INPP5F: variants seen among roughly 807,000 people sequenced by gnomAD.
The protein encoded by INPP5F is inositol polyphosphate-5-phosphatase F.
Under a neutral mutation model 137.2 loss-of-function variants are expected in INPP5F, and 97 were observed. The observed-to-expected ratio is 0.71, with a 90% CI of 0.60 to 0.84. The LOEUF is 0.84. Ranked by LOEUF, INPP5F falls within the 40% of genes least tolerant of loss-of-function variation. The pLI is 0.00. For synonymous variants in INPP5F, 504 were observed against 476.9 expected (o/e 1.06, Z -0.74); for missense variants, 1,271 against 1,371.9 (o/e 0.93, Z 1.16).
chr10:119,797,189 C>G (rs1162443101), intron 7 of INPP5F, among the ~76,000 whole-genome samples: 1 of 152,212 alleles, frequency 6.6e-6, no homozygotes, highest in Non-Finnish European at 1.5e-5. Flanking sequence ...ACTCCACTGA[C>G]AGCCTGTATC....
chr10:119,819,733 G>A (rs1268118095), intron 15 of INPP5F: 1 of 407,340 alleles, frequency 2.5e-6, no homozygotes, highest in East Asian at 3.7e-5. Context: ...ATATATTATT[G>A]TACGTGCAAA....
At chr10:119,807,909 A>G (rs1850858023) in intron 12 of INPP5F, 23 bp from the exon 13 acceptor site, 5 of 1,594,482 alleles carry the variant, frequency 3.1e-6, no homozygotes, top group Non-Finnish European at 4.3e-6. Context: ...TATACAGTTA[A>G]TCCACCAATG....
At chr10:119,774,549 A>G (rs545589634) in intron 2 of INPP5F, among the ~76,000 whole-genome samples, 8 of 150,448 alleles carry the variant, frequency 5.3e-5, no homozygotes, top group Non-Finnish European at 1.0e-4. Context: ...GCCCAGGCTG[A>G]TCTTGAACCC....
chr10:119,825,414 A>T (rs1851718474), intron 19 of INPP5F, among the ~76,000 whole-genome samples: 1 of 152,168 alleles, frequency 6.6e-6, no homozygotes, highest in South Asian at 2.1e-4. Context: ...TATGCTTAGG[A>T]TATCCCTCTA....
intron 15 of INPP5F, chr10:119,819,772 G>A: frequency 2.8e-6 from 1 of 358,084 alleles, no homozygotes; most frequent in Non-Finnish European, 5.0e-6. Flanking sequence ...TTTAGATTAA[G>A]ACTGTTGGAC....
chr10:119,796,957 G>A, intron 7 of INPP5F, 44 bp downstream of exon 7: 1 of 1,526,656 alleles, frequency 6.6e-7, no homozygotes, highest in Middle Eastern at 1.7e-4. Context: ...ATCCAGGCGA[G>A]AATGGAAAAG....
intron 1 of INPP5F, among the ~76,000 whole-genome samples, chr10:119,735,444 G>GTCAATA (rs1170746196): frequency 3.3e-5 from 5 of 152,124 alleles, no homozygotes; most frequent in Non-Finnish European, 7.3e-5. Context: ...TTTCTGCAAT[G>GTCAATA]TCAATATGTA....
intron 3 of INPP5F, among the ~76,000 whole-genome samples, chr10:119,785,859 TA>T (rs1180891255): frequency 1.3e-5 from 2 of 152,094 alleles, no homozygotes; most frequent in Non-Finnish European, 2.9e-5. Flanking sequence ...ACCCTGTCTC[TA>T]AAAAAGAAAA....
intron 1 of INPP5F, among the ~76,000 whole-genome samples, chr10:119,732,962 G>A (rs940648942): frequency 1.5e-4 from 23 of 152,142 alleles, no homozygotes; most frequent in African/African-American, 5.3e-4. Context: ...GAAGTAATTT[G>A]CCCAGGTTCA....
chr10:119,794,746 C>G (rs1401347557), intron 6 of INPP5F, among the ~76,000 whole-genome samples: 11 of 127,380 alleles, frequency 8.6e-5, no homozygotes, highest in African/African-American at 3.3e-4. Context: ...GGTGGGGGGG[C>G]TGACCCCCCC....
At chr10:119,796,417 A>G (rs1476493460) in intron 6 of INPP5F, among the ~76,000 whole-genome samples, 2 of 152,192 alleles carry the variant, frequency 1.3e-5, no homozygotes, top group Admixed American at 6.5e-5. Flanking sequence ...AGTTGTTACT[A>G]TTTCACGGAG....
intron 1 of INPP5F, among the ~76,000 whole-genome samples, chr10:119,747,216 C>T (rs1332882885): frequency 6.6e-6 from 1 of 152,170 alleles, no homozygotes; most frequent in East Asian, 1.9e-4. Context: ...AAATTTTTAA[C>T]TCAAAATTAT....
chr10:119,771,879 T>TATATATATATATAC (rs1849369241), intron 2 of INPP5F, among the ~76,000 whole-genome samples: 2 of 20,020 alleles, frequency 1.0e-4, no homozygotes, highest in Non-Finnish European at 1.7e-4. Flanking sequence ...TATATATATA[T>TATATATATATATAC]ATATTTTTTT....
intron 15 of INPP5F, chr10:119,816,310 C>T (rs887646297): frequency 2.0e-5 from 3 of 152,190 alleles, no homozygotes; most frequent in East Asian, 3.9e-4. Context: ...TACCTTCTTC[C>T]TACATTTTCC....
intron 6 of INPP5F, chr10:119,793,576 C>T (rs994605601): frequency 1.3e-5 from 2 of 152,248 alleles, no homozygotes; most frequent in African/African-American, 4.8e-5. Flanking sequence ...TTATCCTTTA[C>T]TGTCTCTGCA....
At chr10:119,801,408 C>T (rs1333199603) in intron 9 of INPP5F, among the ~76,000 whole-genome samples, 1 of 152,212 alleles carries the variant, frequency 6.6e-6, no homozygotes, top group Non-Finnish European at 1.5e-5. Flanking sequence ...AATGGGGATA[C>T]ACCCAACTGA....
chr10:119,755,906 C>G (rs1163789044), intron 2 of INPP5F, among the ~76,000 whole-genome samples: 2 of 152,202 alleles, frequency 1.3e-5, no homozygotes, highest in African/African-American at 2.4e-5. Flanking sequence ...GCCTGTAATC[C>G]TAGCACTTTG....
chr10:119,820,724 CT>C (rs1851526966), intron 15 of INPP5F, 121 bp from the exon 16 acceptor site: 1 of 697,330 alleles, frequency 1.4e-6, no homozygotes, highest in Non-Finnish European at 2.6e-6. Flanking sequence ...CATTGATTAC[CT>C]TCTTCTTTTC....
intron 1 of INPP5F, among the ~76,000 whole-genome samples, chr10:119,741,723 C>T (rs1333141787): frequency 1.3e-5 from 2 of 151,672 alleles, no homozygotes; most frequent in Admixed American, 6.6e-5. Flanking sequence ...TTAGTAGAGA[C>T]AGGGTTTCAC....
Sources: allele counts gnomAD v4.1 joint callset (sites outside exome capture counted in the v4.1 genomes callset), GRCh38; gene constraint gnomAD v4.1.1; transcripts MANE v1.5; gene names NCBI Gene and HGNC (gene_info 2026-07-23, HGNC 2026-07-21).